The following C12orf50 variants were observed in gnomAD, a reference collection of about 807,000 sequenced individuals.
The protein encoded by C12orf50 is uncharacterized protein C12orf50.
Under a neutral mutation model 61.6 loss-of-function variants are expected in C12orf50, and 35 were observed. The ratio of observed to expected loss-of-function variants is 0.57; its 90% CI spans 0.43 to 0.75. C12orf50 has a LOEUF of 0.75. Ranked by LOEUF, C12orf50 falls within the 30% of genes least tolerant of loss-of-function variation. C12orf50 has a pLI of 0.00. For synonymous variants in C12orf50, 178 were observed against 161.5 expected (o/e 1.10, Z -0.77); for missense variants, 475 against 488.5 (o/e 0.97, Z 0.26).
intron 3 of C12orf50, among the ~76,000 whole-genome samples, chr12:88,000,129 A>G (rs963032566): frequency 6.6e-6 from 1 of 151,724 alleles, no homozygotes; most frequent in Non-Finnish European, 1.5e-5. Flanking sequence ...ATGGGTGTGG[A>G]TTTCCTTTTT....
chr12:87,998,283 T>C, intron 3 of C12orf50, 93 bp from the exon 4 acceptor site: 1 of 924,682 alleles, frequency 1.1e-6, no homozygotes, highest in Middle Eastern at 2.8e-4. Context: ...ATTAACTATA[T>C]ATTATTTTAA....
At position 87,985,773 on chromosome 12, in the gene C12orf50, T is replaced by A. The variant is rs78152528; in HGVS notation, c.1126+77A>T. On this transcript the variant is annotated intron_variant, in intron 11 of 12. Transcript: ENST00000298699. The stretch of plus-strand genomic sequence containing the variant: ...AAGAGGGGAGTAAGTAGTAGTGAAG[T>A]TTAGCCAAGCTGTCAAGAAATTCCA... 5.9e-3 allele frequency: 8,699 copies of A among 1,476,672 alleles called. 429 individuals carry two copies. In the African/African-American group the frequency reaches 0.1, roughly 18 times the overall value. 91.5% of individuals were successfully genotyped at this position (1,476,672 alleles called of 1,614,324 possible). A position where few individuals can be genotyped will look rare whatever the true frequency, so the allele number is the denominator to read the frequency against.
At position 87,983,139 on chromosome 12, in the gene C12orf50, A is replaced by G; in HGVS notation, c.1183T>C (p.Ser395Pro). The change falls in exon 12 of 13, where the codon TCA becomes CCA. Residue 395 changes from serine (S) to proline (P), a missense_variant. Physicochemically the swap from Ser to Pro is moderately conservative, Grantham distance 74. Transcript: ENST00000298699. ...TTTTCACTTTTTGAATATGTTTTTGAAAAAGGAATTCGTTTTCGCCAGGCT... is the reference window on the plus strand; with the variant it reads ...TTTTCACTTTTTGAATATGTTTTTGGAAAAGGAATTCGTTTTCGCCAGGCT... ...DSAWRKRIPF[S>P]KTYSKSEKIY... 1 of 1,605,118 alleles carries G rather than the reference A, an allele frequency of 6.2e-7. No homozygotes were observed. The highest frequency in any genetic ancestry group is 8.5e-7 in the Non-Finnish European group (1 of 1,173,936).
chr12:87,993,987 G>A (rs2031256998), intron 7 of C12orf50, among the ~76,000 whole-genome samples: 1 of 152,062 alleles, frequency 6.6e-6, no homozygotes, highest in East Asian at 1.9e-4. Flanking sequence ...ATCACCTGAG[G>A]TAAGGAGTTT....
chr12:87,994,056 C>T (rs928141802), intron 7 of C12orf50, among the ~76,000 whole-genome samples: 3 of 151,814 alleles, frequency 2.0e-5, no homozygotes, highest in Admixed American at 6.6e-5. Flanking sequence ...AAAAATTAGC[C>T]GGGTGTGGTG....
chr12:88,003,490 G>GAT (rs1189126199), intron 3 of C12orf50, among the ~76,000 whole-genome samples: 2 of 152,132 alleles, frequency 1.3e-5, no homozygotes, highest in East Asian at 1.9e-4. Flanking sequence ...TTTTAAGGTA[G>GAT]ACAAACTGGC....
At chr12:87,987,275 C>A (rs183964627) in intron 9 of C12orf50, among the ~76,000 whole-genome samples, 1 of 152,224 alleles carries the variant, frequency 6.6e-6, no homozygotes, top group African/African-American at 2.4e-5. Context: ...TCCCAAGCTC[C>A]CAGTGCAAGG....
chr12:87,981,526 A>C (rs2030468624), intron 12 of C12orf50, among the ~76,000 whole-genome samples: 1 of 152,122 alleles, frequency 6.6e-6, no homozygotes, highest in South Asian at 2.1e-4. Context: ...TAGTCCTCAG[A>C]CCATAGTTTA....
At chr12:87,991,510 C>G (rs1272370999) in intron 7 of C12orf50, among the ~76,000 whole-genome samples, 1 of 151,980 alleles carries the variant, frequency 6.6e-6, no homozygotes, top group Admixed American at 6.6e-5. Flanking sequence ...GTGAACAGGA[C>G]AGTAGGTTGT....
chr12:88,028,174 C>T (rs1444583833), intron 1 of C12orf50, among the ~76,000 whole-genome samples: 2 of 152,110 alleles, frequency 1.3e-5, no homozygotes, highest in Admixed American at 1.3e-4. Context: ...TACTCATTAG[C>T]CACTCTGCTA....
At chr12:88,020,275 A>G (rs1221902018) in intron 3 of C12orf50, among the ~76,000 whole-genome samples, 1 of 152,194 alleles carries the variant, frequency 6.6e-6, no homozygotes, top group East Asian at 1.9e-4. Context: ...ACCCACTAAC[A>G]TGCTGTCTTC....
At chr12:88,010,015 C>T (rs2032036807) in intron 3 of C12orf50, among the ~76,000 whole-genome samples, 1 of 151,822 alleles carries the variant, frequency 6.6e-6, no homozygotes. Flanking sequence ...TCCATTTTTC[C>T]CTCATTAACT....
At chr12:87,987,759 C>A in intron 9 of C12orf50, 91 bp downstream of exon 9, 3 of 858,688 alleles carry the variant, frequency 3.5e-6, no homozygotes, top group East Asian at 2.8e-5. Context: ...TTTTTTCTTT[C>A]TTTTTTAAAA....
chr12:88,013,132 A>G (rs554067612), intron 3 of C12orf50, among the ~76,000 whole-genome samples: 1 of 152,270 alleles, frequency 6.6e-6, no homozygotes, highest in Non-Finnish European at 1.5e-5. Context: ...GAGACATCAG[A>G]TTTTTAAAAA....
At chr12:88,005,911 G>GTTT (rs1491516748) in intron 3 of C12orf50, among the ~76,000 whole-genome samples, 13 of 110,024 alleles carry the variant, frequency 1.2e-4, no homozygotes, top group African/African-American at 4.8e-4. Context: ...TTGTTTTTTT[G>GTTT]GTTTTTTTTT....
intron 7 of C12orf50, among the ~76,000 whole-genome samples, chr12:87,993,803 C>G (rs1276586550): frequency 6.6e-6 from 1 of 152,130 alleles, no homozygotes; most frequent in East Asian, 1.9e-4. Context: ...ACAGATTTTC[C>G]AACATGTTTA....
intron 9 of C12orf50, among the ~76,000 whole-genome samples, chr12:87,987,160 T>C (rs2030867839): frequency 6.6e-6 from 1 of 152,098 alleles, no homozygotes. Flanking sequence ...TTCTCTACAG[T>C]AAACTAATTA....
chr12:87,985,811 C>T (rs922207840), intron 11 of C12orf50, 39 bp downstream of exon 11: 2 of 1,601,916 alleles, frequency 1.2e-6, no homozygotes, highest in African/African-American at 2.7e-5. Flanking sequence ...GGAATGCAAA[C>T]CACAGACAAG....
intron 3 of C12orf50, among the ~76,000 whole-genome samples, chr12:88,007,715 T>G (rs749799370): frequency 2.6e-5 from 4 of 152,258 alleles, no homozygotes; most frequent in Non-Finnish European, 5.9e-5. Flanking sequence ...TACCTTTTTT[T>G]GTTTTATAAA....
Sources: allele counts gnomAD v4.1 joint callset (sites outside exome capture counted in the v4.1 genomes callset), GRCh38; gene constraint gnomAD v4.1.1; transcripts MANE v1.5; gene names NCBI Gene and HGNC (gene_info 2026-07-23, HGNC 2026-07-21).